SGCG: variants seen among roughly 807,000 people sequenced by gnomAD.
SGCG encodes gamma-sarcoglycan.
A neutral mutation model predicts 29.3 loss-of-function variants in SGCG; 26 were observed. The observed-to-expected ratio is 0.89, with a 90% CI of 0.65 to 1.23. The LOEUF (loss-of-function observed/expected upper bound fraction) is 1.23, where lower values mean the gene tolerates loss of function less well. SGCG is among the 50% of genes most tolerant of loss of function. The probability of loss-of-function intolerance (pLI) is 0.00; values close to 1 mark genes in which losing one functional copy is unlikely to be tolerated. For synonymous variants in SGCG, 145 were observed against 129.7 expected (o/e 1.12, Z -0.80); for missense variants, 353 against 356.0 (o/e 0.99, Z 0.07).
rs574801002 is a variant in SGCG, at chr13:23,307,896, C to T, written c.578+12409C>T. ...TATCTTTGCATAGTTCATTATTAAA[C>T]CAAAACACAAGTTTTTATGTACAAA... is the stretch of plus-strand genomic sequence containing the variant. On this transcript the variant is annotated intron_variant, in intron 6 of 7. Transcript: ENST00000218867. Among the ~76,000 whole-genome samples, 10 of 152,118 alleles carry T rather than the reference C, an allele frequency of 6.6e-5. No homozygotes were observed. In the South Asian group the frequency reaches 1.0e-3, roughly 16 times the overall value.
At chr13:23,183,946 A>G (rs548010222) in intron 1 of SGCG, among the ~76,000 whole-genome samples, 10 of 152,214 alleles carry the variant, frequency 6.6e-5, no homozygotes, top group Non-Finnish European at 1.2e-4. Context: ...GATTACAGGC[A>G]TGAGCCACCA....
Position 23,279,373 on chromosome 13 carries a change from G to C in SGCG, c.400G>C (p.Glu134Gln). The part of the protein sequence containing the change: ...GRLKVGPKMV[E>Q]VQNQQFQINS... ...TAATTCTTCAGGTCCCAAAATGGTAGAAGTCCAGAATCAACAGTTTCAGAT... is the reference window on the plus strand; with the variant it reads ...TAATTCTTCAGGTCCCAAAATGGTACAAGTCCAGAATCAACAGTTTCAGAT... The change falls in exon 5 of 8, where the codon GAA becomes CAA. Residue 134 changes from glutamate (E) to glutamine (Q), a missense_variant. Glu to Gln is a conservative substitution (Grantham distance 29, BLOSUM62 2). Transcript: ENST00000218867. The C allele has an allele frequency of 6.2e-7, 1 of 1,613,002 alleles. No individual in the cohort carries two copies. Among genetic ancestry groups the C allele is most frequent in the East Asian group, 2.2e-5 (1 of 44,792 alleles).
chr13:23,232,093 T>C (rs528017127), intron 2 of SGCG, among the ~76,000 whole-genome samples: 70 of 149,022 alleles, frequency 4.7e-4, no homozygotes, highest in Middle Eastern at 3.4e-3. Flanking sequence ...CACTCCAGCC[T>C]GGGAGACAGA....
At chr13:23,313,895 C>G (rs1882696111) in intron 6 of SGCG, among the ~76,000 whole-genome samples, 1 of 152,210 alleles carries the variant, frequency 6.6e-6, no homozygotes, top group Non-Finnish European at 1.5e-5. Flanking sequence ...CAGCTGCCAG[C>G]GAATATAAAG....
At chr13:23,173,559 C>A in the SGCG span, among the ~76,000 whole-genome samples, 1 of 152,310 alleles carries the variant, frequency 6.6e-6, no homozygotes. Flanking sequence ...CTGTTCAGTT[C>A]TGCTATTTTC....
In SGCG at chr13:23,192,967, C is replaced by A. The variant is rs188084024; in HGVS notation, c.1-10728C>A. Among the ~76,000 whole-genome samples the A allele has an allele frequency of 1.1e-3, 161 of 152,090 alleles. 1 individual carries two copies. The highest frequency in any genetic ancestry group is 6.6e-3 in the South Asian group (32 of 4,816). On this transcript the variant is annotated intron_variant, in intron 1 of 7. Transcript: ENST00000218867. ...TTCCTGGAGGTGAGTCTAATGAGGA[C>A]CAGGCAATAAAAAGTAAACAAATAA...
At chr13:23,165,699 A>AT in the SGCG span, among the ~76,000 whole-genome samples, 16,858 of 151,562 alleles carry the variant, frequency 0.11, 1,145 homozygotes, top group Admixed American at 0.23. Flanking sequence ...TAATTTTTGT[A>AT]TTTTTTTAGT....
chr13:23,272,379 G>A (rs1373106240), intron 4 of SGCG, among the ~76,000 whole-genome samples: 1 of 152,026 alleles, frequency 6.6e-6, no homozygotes, highest in Non-Finnish European at 1.5e-5. Context: ...GCTGAATTTT[G>A]CCAAATACTT....
intron 1 of SGCG, among the ~76,000 whole-genome samples, chr13:23,195,119 C>T (rs1877437177): frequency 1.3e-5 from 2 of 152,164 alleles, no homozygotes; most frequent in African/African-American, 4.8e-5. Flanking sequence ...AACAACCGGT[C>T]TTGGTTAAGA....
intron 1 of SGCG, among the ~76,000 whole-genome samples, chr13:23,185,251 G>A (rs540301059): frequency 6.6e-6 from 1 of 152,292 alleles, no homozygotes; most frequent in South Asian, 2.1e-4. Flanking sequence ...GAGTGCAATG[G>A]TGCGATCTTG....
chr13:23,183,651 A>G (rs1876838926), intron 1 of SGCG, among the ~76,000 whole-genome samples: 1 of 152,008 alleles, frequency 6.6e-6, no homozygotes, highest in Admixed American at 6.6e-5. Flanking sequence ...CGAAAACTTT[A>G]TATAAAATAT....
rs187343177 is a variant in SGCG, at chr13:23,223,943, G to A, written c.196-10668G>A. ...ATCACGCCATTGCATGCCAGCCTGG[G>A]CAACAAAGCAAGACTCCATCTCAAA... On this transcript the variant is annotated intron_variant, in intron 2 of 7. Coordinates refer to ENST00000218867, the MANE Select transcript of SGCG (RefSeq NM_000231.3). Among the ~76,000 whole-genome samples, 379 of 151,576 alleles carry A rather than the reference G, an allele frequency of 2.5e-3. 3 individuals carry two copies. The highest frequency in any genetic ancestry group is 7.7e-3 in the African/African-American group (317 of 41,196).
intron 5 of SGCG, among the ~76,000 whole-genome samples, chr13:23,279,853 G>A (rs531322356): frequency 2.7e-4 from 41 of 151,818 alleles, no homozygotes; most frequent in African/African-American, 8.0e-4. Context: ...TCAGCCTCCC[G>A]AGTAGCTGAG....
At chr13:23,280,078 C>T (rs890743891) in intron 5 of SGCG, among the ~76,000 whole-genome samples, 2 of 152,104 alleles carry the variant, frequency 1.3e-5, no homozygotes, top group African/African-American at 2.4e-5. Flanking sequence ...TCAAATGTCA[C>T]TATTATCTGT....
chr13:23,243,113 T>C (rs1188118286), intron 3 of SGCG, among the ~76,000 whole-genome samples: 1 of 152,064 alleles, frequency 6.6e-6, no homozygotes, highest in African/African-American at 2.4e-5. Flanking sequence ...AGATACAGAG[T>C]CAATTCTGCT....
At chr13:23,320,849 T>A in intron 7 of SGCG, 89 bp downstream of exon 7, 1 of 1,334,976 alleles carries the variant, frequency 7.5e-7, no homozygotes, top group Non-Finnish European at 1.1e-6. Context: ...ATTAAATTTC[T>A]AGTAGTTTGT....
In SGCG at chr13:23,203,707, C is replaced by CAGT; in HGVS notation, c.15_17dup (p.Gln5_Tyr6insTer). 6.2e-7 allele frequency: 1 copy of CAGT among 1,612,722 alleles called. No homozygotes were observed. The highest frequency in any genetic ancestry group is 8.5e-7 in the Non-Finnish European group (1 of 1,179,094). On this transcript the variant is annotated stop_gained and inframe_insertion, in exon 2 of 8. Transcript: ENST00000218867. LOFTEE classifies it high-confidence loss of function. ...CACTCCGTGGCAGATGGTGCGTGAG[C>CAGT]AGTACACTACAGCCACAGAAGGCAT...
At chr13:23,264,062 G>C (rs530282673) in intron 4 of SGCG, among the ~76,000 whole-genome samples, 1 of 152,014 alleles carries the variant, frequency 6.6e-6, no homozygotes, top group East Asian at 1.9e-4. Flanking sequence ...ATTCAACATC[G>C]TACTGAAAGT....
intron 4 of SGCG, among the ~76,000 whole-genome samples, chr13:23,252,764 G>A (rs1880024539): frequency 6.6e-6 from 1 of 152,084 alleles, no homozygotes; most frequent in African/African-American, 2.4e-5. Context: ...TTATCTTTTT[G>A]TTGGGTGTGG....
Sources: gnomAD v4.1 joint callset for allele counts (sites outside exome capture counted in the v4.1 genomes callset) on GRCh38, gnomAD v4.1.1 for gene constraint, MANE v1.5 for transcripts, NCBI Gene and HGNC (gene_info 2026-07-23, HGNC 2026-07-21) for gene names.